The following ENTREP2 variants were observed in gnomAD, a reference collection of about 807,000 sequenced individuals.
ENTREP2 encodes protein ENTREP2.
At chr15:29,575,500 G>C in the ENTREP2 span, among the ~76,000 whole-genome samples, 1 of 152,124 alleles carries the variant, frequency 6.6e-6, no homozygotes, top group East Asian at 1.9e-4. Flanking sequence ...TTTATTGGAA[G>C]TTCAGCCAGA....
chr15:29,566,290 C>T, the ENTREP2 span, among the ~76,000 whole-genome samples: 1 of 151,712 alleles, frequency 6.6e-6, no homozygotes, highest in Non-Finnish European at 1.5e-5. Context: ...TCCAGAGCAG[C>T]TGGAACTACA....
At chr15:29,476,360 C>A in the ENTREP2 span, among the ~76,000 whole-genome samples, 1 of 152,226 alleles carries the variant, frequency 6.6e-6, no homozygotes, top group Admixed American at 6.5e-5. Flanking sequence ...ATTGGACTCA[C>A]TGGGAAGCCA....
At chr15:29,406,640 C>G in the ENTREP2 span, among the ~76,000 whole-genome samples, 2 of 152,150 alleles carry the variant, frequency 1.3e-5, no homozygotes, top group South Asian at 2.1e-4. Flanking sequence ...CATTCTTACA[C>G]AATCTGAAGT....
chr15:29,338,576 T>A, the ENTREP2 span, among the ~76,000 whole-genome samples: 2 of 152,000 alleles, frequency 1.3e-5, no homozygotes, highest in Admixed American at 1.3e-4. Context: ...AGGATGTCTC[T>A]TTGTGTCGCC....
the ENTREP2 span, among the ~76,000 whole-genome samples, chr15:29,283,658 T>C: frequency 1.1e-4 from 17 of 151,986 alleles, no homozygotes; most frequent in African/African-American, 3.6e-4. Context: ...GGGACAGTGG[T>C]TTGAAGGAAG....
At chr15:29,214,971 T>C in the ENTREP2 span, among the ~76,000 whole-genome samples, 2 of 152,228 alleles carry the variant, frequency 1.3e-5, no homozygotes, top group Non-Finnish European at 2.9e-5. Flanking sequence ...CAAGGTATAG[T>C]TCAAATCCAT....
chr15:29,625,985 T>TA, the ENTREP2 span, among the ~76,000 whole-genome samples: 2 of 152,144 alleles, frequency 1.3e-5, no homozygotes, highest in Non-Finnish European at 2.9e-5. Flanking sequence ...TAGCTGGAAT[T>TA]ACAGGCATGT....
At chr15:29,269,412 A>C in the ENTREP2 span, 18 of 1,614,052 alleles carry the variant, frequency 1.1e-5, no homozygotes, top group East Asian at 3.6e-4. Context: ...TCTGGTCTTT[A>C]ATCAGCAAGA....
At chr15:29,587,554 T>C in the ENTREP2 span, among the ~76,000 whole-genome samples, 4 of 152,180 alleles carry the variant, frequency 2.6e-5, no homozygotes, top group African/African-American at 9.7e-5. Context: ...CAGAGGATGA[T>C]AGGAAAACAA....
the ENTREP2 span, chr15:29,120,982 AGAGTCCAT>A: frequency 1.3e-5 from 2 of 152,270 alleles, no homozygotes; most frequent in Admixed American, 1.3e-4. Flanking sequence ...GGACCCTCCT[AGAGTCCAT>A]GAGTGGCCCT....
the ENTREP2 span, among the ~76,000 whole-genome samples, chr15:29,162,436 C>G: frequency 6.6e-6 from 1 of 152,136 alleles, no homozygotes; most frequent in Non-Finnish European, 1.5e-5. Flanking sequence ...GTCTCACCCA[C>G]TGCCCGAAAA....
At chr15:29,631,256 A>G in the ENTREP2 span, among the ~76,000 whole-genome samples, 10 of 151,902 alleles carry the variant, frequency 6.6e-5, no homozygotes, top group African/African-American at 2.4e-4. Context: ...AATCATCTTC[A>G]TGTGTGCTTT....
At chr15:29,355,758 A>G in the ENTREP2 span, among the ~76,000 whole-genome samples, 3 of 152,190 alleles carry the variant, frequency 2.0e-5, no homozygotes, top group South Asian at 2.1e-4. Flanking sequence ...TGGGAAATAT[A>G]TATCACCCAT....
the ENTREP2 span, among the ~76,000 whole-genome samples, chr15:29,160,732 A>G: frequency 6.6e-6 from 1 of 150,396 alleles, no homozygotes; most frequent in Non-Finnish European, 1.5e-5. Context: ...AAAAAAAAAA[A>G]AATCAGGACG....
chr15:29,149,978 A>G, the ENTREP2 span, among the ~76,000 whole-genome samples: 20 of 152,236 alleles, frequency 1.3e-4, no homozygotes, highest in Admixed American at 1.3e-3. Context: ...CTGTCGCCGC[A>G]GCCTGCCTTT....
chr15:29,612,148 T>C, the ENTREP2 span, among the ~76,000 whole-genome samples: 1 of 152,234 alleles, frequency 6.6e-6, no homozygotes, highest in Non-Finnish European at 1.5e-5. Context: ...TTGACCATTG[T>C]CCTTGCCTTC....
the ENTREP2 span, among the ~76,000 whole-genome samples, chr15:29,293,094 T>C: frequency 3.9e-5 from 6 of 152,162 alleles, no homozygotes; most frequent in Non-Finnish European, 8.8e-5. Context: ...ATCCACTGCT[T>C]AACATGATGC....
At chr15:29,547,611 A>G in the ENTREP2 span, among the ~76,000 whole-genome samples, 3 of 152,222 alleles carry the variant, frequency 2.0e-5, no homozygotes, top group African/African-American at 7.2e-5. Context: ...GAGGATGTGG[A>G]AAAATTCAAA....
chr15:29,346,830 T>C, the ENTREP2 span, among the ~76,000 whole-genome samples: 1 of 152,196 alleles, frequency 6.6e-6, no homozygotes, highest in Non-Finnish European at 1.5e-5. Flanking sequence ...TTTCAAGATT[T>C]TTGGCCACAC....
Sources: gnomAD v4.1 joint callset for allele counts (sites outside exome capture counted in the v4.1 genomes callset) on GRCh38, gnomAD v4.1.1 for gene constraint, MANE v1.5 for transcripts, NCBI Gene and HGNC (gene_info 2026-07-23, HGNC 2026-07-21) for gene names.